The following DNM3 variants were observed in gnomAD, a reference collection of about 807,000 sequenced individuals.
The protein encoded by DNM3 is dynamin-3.
In DNM3, 47 loss-of-function variants were observed where a neutral mutation model predicts 101.6. That is an observed-to-expected ratio of 0.46 (90% CI 0.37 to 0.59). The LOEUF (loss-of-function observed/expected upper bound fraction) is 0.59. Among genes scored for constraint, DNM3 ranks in the 20% least tolerant of loss-of-function variants. DNM3 has a pLI of 0.00. For missense variants in DNM3, 849 were observed against 1,085.7 expected (o/e 0.78, Z 3.06); for synonymous variants, 385 against 387.9 (o/e 0.99, Z 0.09).
At chr1:172,188,827 A>G (rs972238151) in intron 14 of DNM3, among the ~76,000 whole-genome samples, 1 of 151,934 alleles carries the variant, frequency 6.6e-6, no homozygotes, top group African/African-American at 2.4e-5. Flanking sequence ...GTTCCTTTGC[A>G]TGTTTATCTC....
At chr1:172,254,723 A>T (rs576349256) in intron 15 of DNM3, among the ~76,000 whole-genome samples, 1 of 152,252 alleles carries the variant, frequency 6.6e-6, no homozygotes, top group South Asian at 2.1e-4. Flanking sequence ...ACCATCACAG[A>T]GTGCCATGAT....
rs2058448112 is a variant in DNM3, at chr1:172,159,005, TTGC to T, written c.1659+27722_1659+27724del. 2.0e-5 allele frequency among the ~76,000 whole-genome samples: 3 copies of T among 152,066 alleles called. No individual in the cohort carries two copies. In the East Asian group the frequency reaches 5.8e-4, roughly 29 times the overall value. ...GCTTTAAACCTAAGCGTTGTTTTGC[TTGC>T]TGCTATGTATGTATGATCACATACT... On this transcript the variant is annotated intron_variant, in intron 14 of 20. Coordinates refer to ENST00000627582, the MANE Select transcript of DNM3 (RefSeq NM_015569.5).
In DNM3 at chr1:172,407,939, A is replaced by G. The variant is rs1424432958; in HGVS notation, c.*98A>G. ...AAATCATGAGTAGTCGCATGTGTGGACATCAGTAGGCAAGTAACCAGTTTT... is the reference window on the plus strand; with the variant it reads ...AAATCATGAGTAGTCGCATGTGTGGGCATCAGTAGGCAAGTAACCAGTTTT... On this transcript the variant is annotated 3_prime_UTR_variant, in exon 21 of 21. Transcript: ENST00000627582. 6.3e-7 allele frequency: 1 copy of G among 1,594,720 alleles called. No individual in the cohort carries two copies. The highest frequency in any genetic ancestry group is 8.6e-7 in the Non-Finnish European group (1 of 1,168,372).
At chr1:172,072,271 A>G (rs2052257648) in intron 11 of DNM3, among the ~76,000 whole-genome samples, 1 of 152,150 alleles carries the variant, frequency 6.6e-6, no homozygotes, top group Non-Finnish European at 1.5e-5. Context: ...ACGCTTCCTA[A>G]TGTTTCAGTT....
At chr1:172,218,122 A>G (rs2060771893) in intron 14 of DNM3, among the ~76,000 whole-genome samples, 2 of 152,126 alleles carry the variant, frequency 1.3e-5, no homozygotes, top group African/African-American at 2.4e-5. Context: ...ATTTAATTCT[A>G]TTCTCTAGAC....
intron 2 of DNM3, among the ~76,000 whole-genome samples, chr1:171,983,091 C>G (rs1039776376): frequency 2.6e-5 from 4 of 152,130 alleles, no homozygotes; most frequent in Admixed American, 1.3e-4. Flanking sequence ...TTACAAAATT[C>G]TCTCTTGACT....
In DNM3 at chr1:172,352,604, G is replaced by A. The variant is rs76794239; in HGVS notation, c.1894-26414G>A. ...TAGTTAACGTATTTTCACCAACAAGGGTGTGTCTTTCAAGGCTATCTGGAG... is the reference window on the plus strand; with the variant it reads ...TAGTTAACGTATTTTCACCAACAAGAGTGTGTCTTTCAAGGCTATCTGGAG... On this transcript the variant is annotated intron_variant, in intron 17 of 20. Coordinates refer to ENST00000627582, the MANE Select transcript of DNM3 (RefSeq NM_015569.5). 3.0e-3 allele frequency among the ~76,000 whole-genome samples: 450 copies of A among 152,184 alleles called. 3 individuals are homozygous for A. Among genetic ancestry groups the A allele is most frequent in the African/African-American group, 0.01 (435 of 41,518 alleles).
intron 4 of DNM3, among the ~76,000 whole-genome samples, chr1:172,022,053 A>C (rs182319253): frequency 6.6e-6 from 1 of 152,314 alleles, no homozygotes; most frequent in East Asian, 1.9e-4. Flanking sequence ...TGTAAATTTT[A>C]GCTAAGACTT....
intron 12 of DNM3, among the ~76,000 whole-genome samples, chr1:172,091,732 A>G (rs1195624867): frequency 6.6e-6 from 1 of 152,166 alleles, no homozygotes; most frequent in African/African-American, 2.4e-5. Flanking sequence ...AATGGTGTTG[A>G]TGCAGTACAC....
At chr1:171,913,856 A>G (rs1432676841) in intron 1 of DNM3, among the ~76,000 whole-genome samples, 1 of 151,938 alleles carries the variant, frequency 6.6e-6, no homozygotes, top group Admixed American at 6.6e-5. Flanking sequence ...TGGCATGAAC[A>G]TGGCTCACTG....
chr1:172,151,550 GA>G (rs2058128469), intron 14 of DNM3, among the ~76,000 whole-genome samples: 1 of 152,134 alleles, frequency 6.6e-6, no homozygotes. Flanking sequence ...GGTTCTTCAA[GA>G]AAAAACTAGC....
intron 1 of DNM3, among the ~76,000 whole-genome samples, chr1:171,898,703 T>TAG (rs141037836): frequency 0.16 from 19,768 of 127,428 alleles, 1,410 homozygotes; most frequent in South Asian, 0.29. Flanking sequence ...CATATATATA[T>TAG]ATAGAGAGAG....
chr1:172,222,600 C>G (rs987408984), intron 14 of DNM3, among the ~76,000 whole-genome samples: 1 of 152,100 alleles, frequency 6.6e-6, no homozygotes, highest in African/African-American at 2.4e-5. Context: ...ACACTTGTCT[C>G]CCACATAAGA....
downstream of DNM3, among the ~76,000 whole-genome samples, chr1:172,417,095 T>A (rs2071456035): frequency 6.6e-6 from 1 of 152,088 alleles, no homozygotes; most frequent in Non-Finnish European, 1.5e-5. Context: ...GTTTTTTTTT[T>A]ATAGACTTCA....
chr1:171,980,055 C>T (rs2044671113), intron 2 of DNM3, among the ~76,000 whole-genome samples: 2 of 152,032 alleles, frequency 1.3e-5, no homozygotes, highest in Non-Finnish European at 2.9e-5. Context: ...CACTTACTCC[C>T]ATCTCACCCT....
At chr1:172,187,511 C>T (rs2059566736) in intron 14 of DNM3, among the ~76,000 whole-genome samples, 1 of 151,928 alleles carries the variant, frequency 6.6e-6, no homozygotes, top group Non-Finnish European at 1.5e-5. Context: ...GTGGTTCATC[C>T]TTTACTTTTA....
At chr1:171,859,410 A>G (rs1019335628) in intron 1 of DNM3, among the ~76,000 whole-genome samples, 1 of 152,054 alleles carries the variant, frequency 6.6e-6, no homozygotes, top group Non-Finnish European at 1.5e-5. Flanking sequence ...TCTATCACTA[A>G]ATTGTGAGCC....
At chr1:172,276,105 T>A (rs2063275504) in intron 15 of DNM3, among the ~76,000 whole-genome samples, 1 of 152,088 alleles carries the variant, frequency 6.6e-6, no homozygotes, top group Non-Finnish European at 1.5e-5. Context: ...CCTCCCCCCA[T>A]TTCCAGAGCA....
At chr1:172,260,433 C>T (rs189249818) in intron 15 of DNM3, among the ~76,000 whole-genome samples, 55 of 151,408 alleles carry the variant, frequency 3.6e-4, no homozygotes, top group African/African-American at 2.7e-4. Flanking sequence ...CATTTTTTTT[C>T]GTTGTTTCTT....
Sources: gnomAD v4.1 joint callset for allele counts (sites outside exome capture counted in the v4.1 genomes callset) on GRCh38, gnomAD v4.1.1 for gene constraint, MANE v1.5 for transcripts, NCBI Gene and HGNC (gene_info 2026-07-23, HGNC 2026-07-21) for gene names.